SSH2: variants seen among roughly 807,000 people sequenced by gnomAD.
The protein encoded by SSH2 is slingshot protein phosphatase 2.
In SSH2, 37 loss-of-function variants were observed where a neutral mutation model predicts 135.2. The observed-to-expected ratio is 0.27, with a 90% CI of 0.21 to 0.36. SSH2 has a LOEUF of 0.36. Among genes scored for constraint, SSH2 ranks in the 10% least tolerant of loss-of-function variants. The probability of loss-of-function intolerance (pLI) is 1.00; values close to 1 mark genes in which losing one functional copy is unlikely to be tolerated. For synonymous variants in SSH2, 628 were observed against 646.2 expected (o/e 0.97, Z 0.43); for missense variants, 1,408 against 1,765.3 (o/e 0.80, Z 3.63).
intron 2 of SSH2, among the ~76,000 whole-genome samples, chr17:29,843,769 G>A (rs1173817009): frequency 1.3e-5 from 2 of 151,842 alleles, no homozygotes; most frequent in Non-Finnish European, 2.9e-5. Flanking sequence ...CTTGAATTAG[G>A]GTTTACCCTA....
At chr17:29,855,529 A>C (rs556032953) in intron 1 of SSH2, among the ~76,000 whole-genome samples, 7 of 151,946 alleles carry the variant, frequency 4.6e-5, no homozygotes, top group African/African-American at 7.3e-5. Flanking sequence ...AAAATATACT[A>C]TCAGACATCA....
At chr17:29,890,377 C>T (rs572517419) in intron 1 of SSH2, among the ~76,000 whole-genome samples, 1 of 152,284 alleles carries the variant, frequency 6.6e-6, no homozygotes, top group Admixed American at 6.5e-5. Flanking sequence ...CAGCACCATT[C>T]ATAATAGCCA....
chr17:29,907,886 T>C (rs1423384576), intron 1 of SSH2, among the ~76,000 whole-genome samples: 1 of 150,474 alleles, frequency 6.6e-6, no homozygotes, highest in Non-Finnish European at 1.5e-5. Context: ...AGTGGTGTGA[T>C]CATGGCTCAC....
At chr17:29,859,982 G>T (rs2065733472) in intron 1 of SSH2, among the ~76,000 whole-genome samples, 1 of 152,104 alleles carries the variant, frequency 6.6e-6, no homozygotes, top group Non-Finnish European at 1.5e-5. Context: ...GAGTAGCTGG[G>T]ATTACAGGTG....
At chr17:29,652,419 G>C (rs1015940367) in intron 12 of SSH2, among the ~76,000 whole-genome samples, 2 of 152,106 alleles carry the variant, frequency 1.3e-5, no homozygotes, top group African/African-American at 4.8e-5. Context: ...TTCCTGAAGG[G>C]TACAGGCTTT....
At chr17:29,702,832 G>T in intron 4 of SSH2, 127 bp downstream of exon 4, 1 of 786,722 alleles carries the variant, frequency 1.3e-6, no homozygotes, top group South Asian at 1.6e-5. Context: ...AGTCATTACG[G>T]CCCTGTACAA....
At chr17:29,802,144 G>C (rs2042260360) in intron 2 of SSH2, among the ~76,000 whole-genome samples, 1 of 152,120 alleles carries the variant, frequency 6.6e-6, no homozygotes, top group Non-Finnish European at 1.5e-5. Context: ...TTACAGGTGT[G>C]AGCCACTGCA....
intron 2 of SSH2, among the ~76,000 whole-genome samples, chr17:29,809,097 T>TA (rs1030807431): frequency 3.9e-5 from 6 of 151,932 alleles, no homozygotes; most frequent in Non-Finnish European, 8.8e-5. Flanking sequence ...CTACTAAAAA[T>TA]AAAAAAATTA....
intron 1 of SSH2, chr17:29,928,447 T>C (rs754540855): frequency 2.5e-5 from 10 of 398,272 alleles, no homozygotes; most frequent in Admixed American, 4.4e-5. Flanking sequence ...CCAGGCAAAA[T>C]GTTCTCCAGC....
At position 29,667,002 on chromosome 17, in the gene SSH2, C is replaced by T. The variant is rs1209492394; in HGVS notation, c.904-7G>A. 2 of 1,613,948 alleles carry T rather than the reference C, an allele frequency of 1.2e-6. No individual in the cohort carries two copies. The highest frequency in any genetic ancestry group is 1.7e-6 in the Non-Finnish European group (2 of 1,180,006). The stretch of plus-strand genomic sequence containing the variant: ...TTTCCAACTCTGTTCTTATCTGAAA[C>T]AAAGATGATATATTGGACCCATCTC... On this transcript the variant is annotated splice_polypyrimidine_tract_variant and splice_region_variant and intron_variant, in intron 10 of 15. Coordinates refer to ENST00000540801, the MANE Select transcript of SSH2 (RefSeq NM_001282129.2).
intron 3 of SSH2, among the ~76,000 whole-genome samples, chr17:29,744,139 C>T (rs1167120737): frequency 6.6e-6 from 1 of 152,132 alleles, no homozygotes; most frequent in Middle Eastern, 3.4e-3. Flanking sequence ...TGAAAAGGCC[C>T]CAGAAGCCCC....
At chr17:29,761,442 C>CG (rs1262741190) in intron 3 of SSH2, 2 of 995,812 alleles carry the variant, frequency 2.0e-6, no homozygotes, top group East Asian at 2.3e-4. Context: ...TGACGGGCGT[C>CG]GCCAGCAGTT....
chr17:29,678,471 A>C (rs1166532840), intron 6 of SSH2, among the ~76,000 whole-genome samples: 4 of 152,206 alleles, frequency 2.6e-5, no homozygotes, highest in Non-Finnish European at 5.9e-5. Context: ...TGAGGTTTAC[A>C]TAGATTTACT....
At chr17:29,751,524 A>G (rs1438031725) in intron 3 of SSH2, among the ~76,000 whole-genome samples, 1 of 152,260 alleles carries the variant, frequency 6.6e-6, no homozygotes, top group East Asian at 1.9e-4. Flanking sequence ...ATTATCAAGC[A>G]TTATGTACTG....
chr17:29,743,907 C>CTTTTTTTTTTT (rs59540894), intron 3 of SSH2, among the ~76,000 whole-genome samples: 1 of 99,864 alleles, frequency 1.0e-5, no homozygotes, highest in Non-Finnish European at 2.0e-5. Flanking sequence ...TTCTTTTTTC[C>CTTTTTTTTTTT]TTTTTTTTTT....
At chr17:29,925,547 TC>T in intron 1 of SSH2, 1 of 397,914 alleles carries the variant, frequency 2.5e-6, no homozygotes, top group African/African-American at 2.1e-5. Flanking sequence ...CCCAAGCAAG[TC>T]CCCATCTCTA....
intron 2 of SSH2, among the ~76,000 whole-genome samples, chr17:29,794,921 G>A (rs1172077381): frequency 1.3e-5 from 2 of 152,194 alleles, no homozygotes; most frequent in Non-Finnish European, 2.9e-5. Flanking sequence ...GGAAAAGTGA[G>A]GAAAGATGAA....
intron 3 of SSH2, among the ~76,000 whole-genome samples, chr17:29,714,853 T>A (rs1417584906): frequency 6.6e-6 from 1 of 151,972 alleles, no homozygotes; most frequent in Non-Finnish European, 1.5e-5. Context: ...ATTCCTGAAT[T>A]TTTTCTTTCT....
At chr17:29,902,713 C>G (rs2066580685) in intron 1 of SSH2, among the ~76,000 whole-genome samples, 2 of 152,000 alleles carry the variant, frequency 1.3e-5, no homozygotes, top group African/African-American at 4.8e-5. Flanking sequence ...TCCCTCACCC[C>G]CATATTTGCT....
Sources: gnomAD v4.1 joint callset for allele counts (sites outside exome capture counted in the v4.1 genomes callset) on GRCh38, gnomAD v4.1.1 for gene constraint, MANE v1.5 for transcripts, NCBI Gene and HGNC (gene_info 2026-07-23, HGNC 2026-07-21) for gene names.